The following ANO3 variants were observed in gnomAD, a reference collection of about 807,000 sequenced individuals.
ANO3 encodes the protein anoctamin 3.
In ANO3, 99 loss-of-function variants were observed where a neutral mutation model predicts 144.8. That is an observed-to-expected ratio of 0.68 (90% confidence interval 0.58 to 0.81). The LOEUF (loss-of-function observed/expected upper bound fraction) is 0.81. ANO3 is among the 30% of genes least tolerant of loss of function. The pLI, the probability that ANO3 is intolerant of heterozygous loss-of-function variation, is 0.00. For synonymous variants in ANO3, 414 were observed against 392.6 expected (o/e 1.05, Z -0.64); for missense variants, 905 against 1,202.2 (o/e 0.75, Z 3.66).
chr11:26,479,542 A>G (rs1018800199), intron 4 of ANO3, among the ~76,000 whole-genome samples: 13 of 152,096 alleles, frequency 8.5e-5, no homozygotes, highest in Non-Finnish European at 1.6e-4. Flanking sequence ...GGGAACTCCC[A>G]TTTATAAAAC....
At chr11:26,453,026 T>C (rs1859007274) in intron 3 of ANO3, among the ~76,000 whole-genome samples, 1 of 151,820 alleles carries the variant, frequency 6.6e-6, no homozygotes, top group African/African-American at 2.4e-5. Flanking sequence ...GACAAGCAAA[T>C]GCTGAGAGAT....
intron 1 of ANO3, among the ~76,000 whole-genome samples, chr11:26,201,732 A>G (rs1590190444): frequency 6.6e-6 from 1 of 151,886 alleles, no homozygotes; most frequent in Non-Finnish European, 1.5e-5. Context: ...GTTTCATTCA[A>G]TAGACTATAA....
chr11:26,577,975 G>C (rs1234921315), intron 14 of ANO3, among the ~76,000 whole-genome samples: 2 of 152,198 alleles, frequency 1.3e-5, no homozygotes, highest in African/African-American at 4.8e-5. Flanking sequence ...CTAGAACTAT[G>C]AATGTAATTA....
intron 3 of ANO3, among the ~76,000 whole-genome samples, chr11:26,462,329 GAA>G (rs943966495): frequency 1.3e-4 from 20 of 151,832 alleles, no homozygotes; most frequent in African/African-American, 4.1e-4. Context: ...TAAATTTAGT[GAA>G]GTGTGTCAAG....
At chr11:26,266,722 C>T (rs967423001) in intron 1 of ANO3, among the ~76,000 whole-genome samples, 9 of 151,502 alleles carry the variant, frequency 5.9e-5, no homozygotes, top group Non-Finnish European at 8.8e-5. Flanking sequence ...CGTGATCCAC[C>T]GTGCCCGGCC....
At chr11:26,369,356 T>A (rs1564987042) in intron 1 of ANO3, among the ~76,000 whole-genome samples, 1 of 152,138 alleles carries the variant, frequency 6.6e-6, no homozygotes, top group Non-Finnish European at 1.5e-5. Flanking sequence ...ATTTTCTAAT[T>A]TTCAGTGTTT....
chr11:26,341,264 A>G (rs1855351788), intron 1 of ANO3, among the ~76,000 whole-genome samples: 1 of 152,226 alleles, frequency 6.6e-6, no homozygotes, highest in Admixed American at 6.5e-5. Flanking sequence ...TGATTTATAT[A>G]TAGCGAAAAT....
At chr11:26,520,420 T>C (rs889106370) in intron 6 of ANO3, among the ~76,000 whole-genome samples, 5 of 152,198 alleles carry the variant, frequency 3.3e-5, no homozygotes, top group African/African-American at 1.2e-4. Flanking sequence ...TCCCTTTTAA[T>C]TGGTGTTTTG....
intron 1 of ANO3, chr11:26,208,197 G>C (rs1590193645): frequency 6.6e-6 from 1 of 152,400 alleles, no homozygotes; most frequent in African/African-American, 2.4e-5. Context: ...TATCACCTCG[G>C]GGGTTAGGAT....
At chr11:26,462,711 A>G (rs111643178) in intron 3 of ANO3, among the ~76,000 whole-genome samples, 19 of 147,648 alleles carry the variant, frequency 1.3e-4, no homozygotes, top group Admixed American at 4.6e-4. Flanking sequence ...AGTTCAAAAC[A>G]TGATGATTTT....
intron 1 of ANO3, among the ~76,000 whole-genome samples, chr11:26,419,378 T>C (rs1447346223): frequency 6.6e-6 from 1 of 152,136 alleles, no homozygotes; most frequent in South Asian, 2.1e-4. Flanking sequence ...TTATTCTGTT[T>C]CTGATTTTCA....
At chr11:26,565,972 A>C (rs1020500482) in intron 14 of ANO3, 3 of 1,321,500 alleles carry the variant, frequency 2.3e-6, no homozygotes, top group Admixed American at 3.0e-5. Flanking sequence ...TATATTTTAA[A>C]GTGATAAAAA....
chr11:26,455,103 C>T (rs1348194376), intron 3 of ANO3, among the ~76,000 whole-genome samples: 1 of 151,864 alleles, frequency 6.6e-6, no homozygotes, highest in South Asian at 2.1e-4. Flanking sequence ...TATGACAGAC[C>T]CACAGCCAAT....
intron 12 of ANO3, among the ~76,000 whole-genome samples, chr11:26,550,884 C>T (rs1849915018): frequency 6.6e-6 from 1 of 151,900 alleles, no homozygotes; most frequent in Non-Finnish European, 1.5e-5. Flanking sequence ...TAGATTTCTA[C>T]CAGCAGTGTA....
intron 1 of ANO3, among the ~76,000 whole-genome samples, chr11:26,194,773 T>A (rs1212285166): frequency 7.9e-5 from 12 of 152,074 alleles, no homozygotes; most frequent in Middle Eastern, 3.4e-3. Flanking sequence ...ACCATATTGG[T>A]CAAGCTGGTC....
chr11:26,634,434 C>T, intron 19 of ANO3, 119 bp downstream of exon 19: 2 of 632,830 alleles, frequency 3.2e-6, no homozygotes, highest in South Asian at 4.6e-5. Context: ...AAAGTTGGCA[C>T]AAAAAAATAA....
chr11:26,293,021 G>T (rs1853995819), intron 1 of ANO3, among the ~76,000 whole-genome samples: 1 of 152,152 alleles, frequency 6.6e-6, no homozygotes, highest in Non-Finnish European at 1.5e-5. Context: ...ACTGTAGACT[G>T]GAGCTGTTCC....
intron 14 of ANO3, among the ~76,000 whole-genome samples, chr11:26,574,367 A>G (rs1245009998): frequency 6.6e-6 from 1 of 152,146 alleles, no homozygotes; most frequent in East Asian, 1.9e-4. Flanking sequence ...TTTGAATCCA[A>G]AAGAGTATCT....
intron 14 of ANO3, among the ~76,000 whole-genome samples, chr11:26,575,653 GAGAT>G (rs1202255745): frequency 1.3e-5 from 2 of 152,074 alleles, no homozygotes; most frequent in Non-Finnish European, 2.9e-5. Context: ...TTTGTACAAG[GAGAT>G]AAATAATTTC....
Sources: gnomAD v4.1 joint callset for allele counts (sites outside exome capture counted in the v4.1 genomes callset) on GRCh38, gnomAD v4.1.1 for gene constraint, MANE v1.5 for transcripts, NCBI Gene and HGNC (gene_info 2026-07-23, HGNC 2026-07-21) for gene names.